DNALI1: variants seen among roughly 807,000 people sequenced by gnomAD.
DNALI1 encodes the protein dynein axonemal light intermediate chain 1, also known as axonemal dynein light intermediate polypeptide 1.
In DNALI1, 31 loss-of-function variants were observed where a neutral mutation model predicts 33.9. The observed-to-expected ratio is 0.91, with a 90% confidence interval of 0.69 to 1.23. The LOEUF (loss-of-function observed/expected upper bound fraction) is 1.23, where lower values mean the gene tolerates loss of function less well. Among genes scored for constraint, DNALI1 ranks in the 50% most tolerant of loss-of-function variants. The probability of loss-of-function intolerance (pLI) is 0.00; values close to 1 mark genes in which losing one functional copy is unlikely to be tolerated. For synonymous variants in DNALI1, 117 were observed against 129.2 expected (o/e 0.91, Z 0.64); for missense variants, 305 against 323.8 (o/e 0.94, Z 0.44).
In DNALI1 at chr1:37,565,072, A is replaced by G. The variant is rs768697801; in HGVS notation, c.*11A>G. On this transcript the variant is annotated 3_prime_UTR_variant, in exon 6 of 6. Coordinates refer to ENST00000652629, the MANE Select transcript of DNALI1 (RefSeq NM_003462.5). ...GCACCAAAGAAGTGATAATTTCCACATGATTAATTTCCAACAAGACACTTG... is the reference window on the plus strand; with the variant it reads ...GCACCAAAGAAGTGATAATTTCCACGTGATTAATTTCCAACAAGACACTTG... 6.2e-7 allele frequency: 1 copy of G among 1,613,830 alleles called. No homozygotes were observed. The highest frequency in any genetic ancestry group is 1.1e-5 in the South Asian group (1 of 91,050).
In DNALI1 at chr1:37,562,056, G is replaced by C. The variant is rs368615402; in HGVS notation, c.577-25G>C. 5.6e-6 allele frequency: 9 copies of C among 1,613,586 alleles called. No homozygotes were observed. The African/African-American group carries it at 1.2e-4, about 22-fold the overall frequency. On this transcript the variant is annotated intron_variant, in intron 4 of 5. Coordinates refer to ENST00000652629, the MANE Select transcript of DNALI1 (RefSeq NM_003462.5). This position sits in a 1 kb window ranked among gnomAD's most constrained non-coding sequence, Gnocchi z 5.8. ...ATTCCATTCACCTGGCGACATCCCA[G>C]GATGACTGGGCATTCTCTCCTCAGA... is the stretch of plus-strand genomic sequence containing the variant.
Position 37,566,856 on chromosome 1 carries a change from T to C in DNALI1, c.*1795T>C, listed in dbSNP as rs778390098. On this transcript the variant is annotated 3_prime_UTR_variant, in exon 6 of 6. Transcript: ENST00000652629. ...AATTTAATAAAAACCTTTTAAACAT[T>C]ACTGCTTTTGTCTGAATTTTTTGCG... 6.2e-7 allele frequency: 1 copy of C among 1,612,510 alleles called. No homozygotes were observed. Among genetic ancestry groups the C allele is most frequent in the Non-Finnish European group, 8.5e-7 (1 of 1,179,340 alleles).
Position 37,566,563 on chromosome 1 carries a change from C to A in DNALI1, c.*1502C>A, listed in dbSNP as rs41267321. The A allele has an allele frequency of 0.056, 18,422 of 326,098 alleles. 699 individuals are homozygous for A. The highest frequency in any genetic ancestry group is 0.076 in the Non-Finnish European group (13,705 of 180,484). 20.2% of individuals were successfully genotyped at this position (326,098 alleles called of 1,614,324 possible). ...CATTACCAATAAAAACGAAATACCA[C>A]CCTTTCCATTTTATAGACCTCATCC... On this transcript the variant is annotated 3_prime_UTR_variant, in exon 6 of 6. Transcript: ENST00000652629.
rs1643442546 is a variant in DNALI1, at chr1:37,561,766, C to T, written c.576+31C>T. On this transcript the variant is annotated intron_variant, in intron 4 of 5. Coordinates refer to ENST00000652629, the MANE Select transcript of DNALI1 (RefSeq NM_003462.5). The surrounding 1 kb of genome is among the most constrained non-coding windows in gnomAD (Gnocchi z 4.6). ...TGGGGTTTACCGTGACCCTTGGTCC[C>T]ATCTCTTCTGTAAACCTCAGGGCCA... 3.1e-6 allele frequency: 5 copies of T among 1,600,486 alleles called. No homozygotes were observed. The highest frequency in any genetic ancestry group is 3.4e-6 in the Non-Finnish European group (4 of 1,170,684).
chr1:37,558,961 G>A (rs747134426), intron 2 of DNALI1, among the ~76,000 whole-genome samples: 9 of 152,228 alleles, frequency 5.9e-5, no homozygotes, highest in South Asian at 2.1e-4. Flanking sequence ...CAAGGTTCAT[G>A]ATGTCCTGTG....
intron 2 of DNALI1, among the ~76,000 whole-genome samples, chr1:37,558,395 C>T (rs1401262505): frequency 6.6e-6 from 1 of 152,214 alleles, no homozygotes; most frequent in Non-Finnish European, 1.5e-5. Flanking sequence ...AGAATCTATC[C>T]TCCATACAGC....
At chr1:37,564,377 G>A (rs954083845) in intron 5 of DNALI1, among the ~76,000 whole-genome samples, 2 of 151,884 alleles carry the variant, frequency 1.3e-5, no homozygotes, top group African/African-American at 4.8e-5. Flanking sequence ...TCCTAAACCA[G>A]AGAGCCAATA....
rs1218095139 is a variant in DNALI1 at position 37,561,688 on chromosome 1, A to G, written c.529A>G (p.Arg177Gly). Residue 177 changes from arginine (R) to glycine (G), a missense_variant, in exon 4 of 6, where the codon AGG becomes GGG. Arg to Gly is a moderately radical substitution (Grantham distance 125, BLOSUM62 -2). Transcript: ENST00000652629. This position sits in a 1 kb window ranked among gnomAD's most constrained non-coding sequence, Gnocchi z 4.6. ...LYESSVAFGM[R>G]KALQAEQGKS... Reference sequence around the variant, plus strand: ...CGAGAGCAGCGTGGCGTTTGGCATGAGGAAGGCACTGCAGGCTGAGCAGGG... The same window carrying G: ...CGAGAGCAGCGTGGCGTTTGGCATGGGGAAGGCACTGCAGGCTGAGCAGGG... The G allele has an allele frequency of 1.2e-6, 2 of 1,614,020 alleles. No individual in the cohort carries two copies. The highest frequency in any genetic ancestry group is 2.7e-5 in the African/African-American group (2 of 74,910).
At position 37,561,694 on chromosome 1, in the gene DNALI1, G is replaced by A; in HGVS notation, c.535G>A (p.Ala179Thr). 1 of 1,614,144 alleles carries A rather than the reference G, an allele frequency of 6.2e-7. No homozygotes were observed. Among genetic ancestry groups the A allele is most frequent in the East Asian group, 2.2e-5 (1 of 44,882 alleles). ...CAGCGTGGCGTTTGGCATGAGGAAG[G>A]CACTGCAGGCTGAGCAGGGGAAGTC... ...ESSVAFGMRK[A>T]LQAEQGKSDM... Residue 179 changes from alanine to threonine, a missense_variant, in exon 4 of 6, where the codon GCA (alanine) becomes ACA (threonine). Ala to Thr is a moderately conservative substitution (Grantham distance 58). Coordinates refer to ENST00000652629, the MANE Select transcript of DNALI1 (RefSeq NM_003462.5). The surrounding 1 kb of genome is among the most constrained non-coding windows in gnomAD (Gnocchi z 4.6).
chr1:37,559,306 G>T lies in DNALI1; in HGVS notation c.228-21G>T. The stretch of plus-strand genomic sequence containing the variant: ...CCTTCAAGTCAACGGGTTTTGCTCA[G>T]CCTCGCTGTGTCTGCCACAGGGAGT... On this transcript the variant is annotated intron_variant, in intron 2 of 5. Coordinates refer to ENST00000652629, the MANE Select transcript of DNALI1 (RefSeq NM_003462.5). This position sits in a 1 kb window ranked among gnomAD's most constrained non-coding sequence, Gnocchi z 5.3. 6.4e-7 allele frequency: 1 copy of T among 1,571,570 alleles called. No individual in the cohort carries two copies.
intron 3 of DNALI1, among the ~76,000 whole-genome samples, chr1:37,560,163 G>A (rs962113159): frequency 3.3e-5 from 5 of 152,162 alleles, no homozygotes; most frequent in African/African-American, 1.2e-4. Context: ...GTTCCCAGGG[G>A]CAGGCAGAAG....
At position 37,561,469 on chromosome 1, in the gene DNALI1, T is replaced by A; in HGVS notation, c.398-88T>A. 6.7e-7 allele frequency: 1 copy of A among 1,495,200 alleles called. No individual in the cohort carries two copies. The highest frequency in any genetic ancestry group is 9.1e-7 in the Non-Finnish European group (1 of 1,104,344). The allele number at this position is 1,495,200 out of a possible 1,614,324, so 92.6% of individuals were successfully genotyped here. A position where few individuals can be genotyped will look rare whatever the true frequency, so the allele number is the denominator to read the frequency against. ...TCCAAGCGAGAACACCCTAATGTCC[T>A]TCCCAAGAGGAAGGGTGTTTGCAGT... On this transcript the variant is annotated intron_variant, in intron 3 of 5. Coordinates refer to ENST00000652629, the MANE Select transcript of DNALI1 (RefSeq NM_003462.5). The surrounding 1 kb of genome is among the most constrained non-coding windows in gnomAD (Gnocchi z 4.6).
chr1:37,558,685 T>C (rs1557632183), intron 2 of DNALI1, among the ~76,000 whole-genome samples: 2 of 152,214 alleles, frequency 1.3e-5, no homozygotes, highest in African/African-American at 2.4e-5. Flanking sequence ...CCCCTTGATA[T>C]TCTCCTGGTT....
Position 37,559,225 on chromosome 1 carries a change from C to T in DNALI1, c.228-102C>T, listed in dbSNP as rs1208147024. ...TCTGGTGGGTTGGTGGCAAAGCTGC[C>T]CCTCACCACTACTCAGGCAGAGGGC... On this transcript the variant is annotated intron_variant, in intron 2 of 5. Transcript: ENST00000652629. This position sits in a 1 kb window ranked among gnomAD's most constrained non-coding sequence, Gnocchi z 5.3. The T allele has an allele frequency of 1.6e-6, 2 of 1,279,734 alleles. No individual in the cohort carries two copies. Among genetic ancestry groups the T allele is most frequent in the Non-Finnish European group, 2.1e-6 (2 of 949,872 alleles). The allele number at this position is 1,279,734 out of a possible 1,614,324, so 79.3% of individuals were successfully genotyped here. A position where few individuals can be genotyped will look rare whatever the true frequency, so the allele number is the denominator to read the frequency against.
chr1:37,559,409 G>A lies in DNALI1; in HGVS notation c.310G>A (p.Glu104Lys). ...CAGGATGGACGTGGTGCACCTCCAG[G>A]AGCAGTTAGACTTAAAGCTGCAGCA... Reference protein sequence around the residue: ...STRMDVVHLQEQLDLKLQQRQ... With the variant: ...STRMDVVHLQKQLDLKLQQRQ... The change falls in exon 3 of 6, where the codon GAG (glutamate) becomes AAG (lysine). Residue 104 changes from glutamate to lysine, a missense_variant. Glu to Lys is a moderately conservative substitution (Grantham distance 56). Transcript: ENST00000652629. This position sits in a 1 kb window ranked among gnomAD's most constrained non-coding sequence, Gnocchi z 5.3. 1.2e-6 allele frequency: 2 copies of A among 1,613,278 alleles called. No homozygotes were observed. Among genetic ancestry groups the A allele is most frequent in the Non-Finnish European group, 1.7e-6 (2 of 1,179,898 alleles).
chr1:37,562,335 T>G lies in DNALI1; in HGVS notation c.741+90T>G. On this transcript the variant is annotated intron_variant, in intron 5 of 5. Transcript: ENST00000652629. This position sits in a 1 kb window ranked among gnomAD's most constrained non-coding sequence, Gnocchi z 5.8. ...CATTCGGTTCCTTTTCCATGGCTTT[T>G]AAATGTTTGTCCACATGCACTGCCA... is the stretch of plus-strand genomic sequence containing the variant. 1 of 1,481,802 alleles carries G rather than the reference T, an allele frequency of 6.7e-7. No homozygotes were observed. Among genetic ancestry groups the G allele is most frequent in the Non-Finnish European group, 9.0e-7 (1 of 1,105,028 alleles). The allele number at this position is 1,481,802 out of a possible 1,614,324, so 91.8% of individuals were successfully genotyped here.
At position 37,557,662 on chromosome 1, in the gene DNALI1, AC is replaced by A; in HGVS notation, c.144del (p.Lys49ArgfsTer21). The A allele has an allele frequency of 6.2e-7, 1 of 1,614,048 alleles. No individual in the cohort carries two copies. The highest frequency in any genetic ancestry group is 8.5e-7 in the Non-Finnish European group (1 of 1,179,986). On this transcript the variant is annotated frameshift_variant, in exon 2 of 6. Transcript: ENST00000652629. LOFTEE classifies it high-confidence loss of function. ...PGPSGSAPQP[P>X]KTKLPSTPCV... ...GACCTTCAGGTTCAGCCCCACAGCC[AC>A]CCAAGACCAAGCTCCCCTCAACTCC...
rs1322134207 is a variant in DNALI1 at position 37,565,091 on chromosome 1, A to C, written c.*30A>C. Reference sequence around the variant, plus strand: ...TTCCACATGATTAATTTCCAACAAGACACTTGGGAGTTATTTACTGTGTTC... The same window carrying C: ...TTCCACATGATTAATTTCCAACAAGCCACTTGGGAGTTATTTACTGTGTTC... On this transcript the variant is annotated 3_prime_UTR_variant, in exon 6 of 6. Transcript: ENST00000652629. 1.4e-5 allele frequency: 22 copies of C among 1,613,080 alleles called. No individual in the cohort carries two copies. Among genetic ancestry groups the C allele is most frequent in the Non-Finnish European group, 1.9e-5 (22 of 1,179,048 alleles).
At chr1:37,557,952 C>T in intron 2 of DNALI1, 1 of 637,060 alleles carries the variant, frequency 1.6e-6, no homozygotes, top group Non-Finnish European at 2.6e-6. Context: ...TGCATGCTGT[C>T]ACCCAATCTC....
Sources: gnomAD v4.1 joint callset for allele counts (sites outside exome capture counted in the v4.1 genomes callset) on GRCh38, gnomAD v4.1.1 for gene constraint, Gnocchi (gnomAD v3.1) non-coding constraint, MANE v1.5 for transcripts, NCBI Gene and HGNC (gene_info 2026-07-23, HGNC 2026-07-21) for gene names.